The following MCF2L variants were observed in gnomAD, a reference collection of about 807,000 sequenced individuals.
MCF2L encodes the protein guanine nucleotide exchange factor DBS.
A neutral mutation model predicts 153.4 loss-of-function variants in MCF2L; 97 were observed. That is an observed-to-expected ratio of 0.63 (90% CI 0.54 to 0.75). The LOEUF is 0.75. MCF2L is among the 30% of genes least tolerant of loss of function. The probability of loss-of-function intolerance (pLI) is 0.00; values close to 1 mark genes in which losing one functional copy is unlikely to be tolerated. For synonymous variants in MCF2L, 659 were observed against 632.2 expected, an observed-to-expected ratio of 1.04 and a Z score of -0.64; for missense variants, 1,347 against 1,495.2, an observed-to-expected ratio of 0.90 and a Z score of 1.64.
chr13:112,902,152 T>C, intron 1 of MCF2L: 5 of 1,528,804 alleles, frequency 3.3e-6, no homozygotes, highest in Non-Finnish European at 4.5e-6. Flanking sequence ...TTCTTAAGTC[T>C]TTCTGCAGCA....
chr13:112,931,178 C>T (rs1252830376), intron 2 of MCF2L, among the ~76,000 whole-genome samples: 1 of 152,192 alleles, frequency 6.6e-6, no homozygotes, highest in Non-Finnish European at 1.5e-5. Flanking sequence ...CTCCTGCCTG[C>T]ACAGGAGGCA....
chr13:113,060,813 C>G (rs924843323), intron 5 of MCF2L, 101 bp downstream of exon 5: 3 of 1,507,606 alleles, frequency 2.0e-6, no homozygotes, highest in Non-Finnish European at 2.7e-6. Context: ...GACTTCAGGG[C>G]CACACGGTCA....
intron 2 of MCF2L, among the ~76,000 whole-genome samples, chr13:112,948,286 T>C (rs979178976): frequency 6.6e-6 from 1 of 152,224 alleles, no homozygotes; most frequent in Non-Finnish European, 1.5e-5. Flanking sequence ...CCCTAAATAC[T>C]CTTTGTTGTT....
intron 2 of MCF2L, among the ~76,000 whole-genome samples, chr13:112,913,435 T>C (rs1176484028): frequency 6.6e-6 from 1 of 152,200 alleles, no homozygotes; most frequent in African/African-American, 2.4e-5. Context: ...ATGTCTCAGC[T>C]GCAGGCATTT....
Position 113,083,991 on chromosome 13 carries a change from T to C in MCF2L, c.1992-7T>C. 1.9e-6 allele frequency: 3 copies of C among 1,612,052 alleles called. No homozygotes were observed. The highest frequency in any genetic ancestry group is 2.5e-6 in the Non-Finnish European group (3 of 1,178,144). The stretch of plus-strand genomic sequence containing the variant: ...TTTCATACTACTTAAAAACCTTCTT[T>C]GTCTAGGATATTCCTCAGGGAGCTG... On this transcript the variant is annotated splice_region_variant and splice_polypyrimidine_tract_variant and intron_variant, in intron 17 of 29. Transcript: ENST00000535094.
At position 113,075,183 on chromosome 13, in the gene MCF2L, G is replaced by A. The variant is rs1216375618; in HGVS notation, c.1302G>A (p.Leu434=). The A allele has an allele frequency of 1.9e-6, 3 of 1,593,718 alleles. No individual in the cohort carries two copies. The highest frequency in any genetic ancestry group is 1.7e-6 in the Non-Finnish European group (2 of 1,165,842). Residue 434 remains leucine (L), a synonymous_variant, in exon 11 of 30, where the codon CTG becomes CTA. Transcript: ENST00000535094. ...LSKSLELHRR[L]ETSMKWCDEG... ...AGTCCCTGGAGCTGCACCGCCGCCT[G>A]GAGACGGTAGGCCGAGCCGGACCCC...
chr13:112,955,594 C>G (rs1170714982), intron 2 of MCF2L, among the ~76,000 whole-genome samples: 1 of 152,196 alleles, frequency 6.6e-6, no homozygotes, highest in African/African-American at 2.4e-5. Context: ...GAGTAACTCC[C>G]TCAAGGTCAC....
chr13:112,966,974 G>T (rs994794979), upstream of MCF2L, among the ~76,000 whole-genome samples: 3 of 152,184 alleles, frequency 2.0e-5, no homozygotes, highest in African/African-American at 4.8e-5. The surrounding 1 kb of genome is among the most constrained non-coding windows in gnomAD (Gnocchi z 4.1). Flanking sequence ...GCAGCCCAAG[G>T]CTGGGCAGGC....
chr13:113,066,298 T>C, intron 8 of MCF2L, 128 bp downstream of exon 8: 4 of 1,154,546 alleles, frequency 3.5e-6, no homozygotes, highest in Admixed American at 3.1e-5. Context: ...ACCCCACTCC[T>C]GGCCAGGGCC....
rs1028822799 is a variant in MCF2L at position 113,064,091 on chromosome 13, C to A, written c.490-213C>A. Among the ~76,000 whole-genome samples the A allele has an allele frequency of 3.9e-5, 6 of 152,154 alleles. No homozygotes were observed. The highest frequency in any genetic ancestry group is 1.9e-4 in the East Asian group (1 of 5,182). ...CATCATAAGGGCCATAACACACACA[C>A]GCCACCACGAGAGGAGGTGTCGGCG... On this transcript the variant is annotated intron_variant, in intron 5 of 29. Transcript: ENST00000535094. This position sits in a 1 kb window ranked among gnomAD's most constrained non-coding sequence, Gnocchi z 6.0.
At chr13:113,018,214 C>T (rs182243629) in intron 2 of MCF2L, among the ~76,000 whole-genome samples, 14 of 152,320 alleles carry the variant, frequency 9.2e-5, no homozygotes, top group South Asian at 2.1e-4. Context: ...AAAGTCAGGA[C>T]GAGCTGCGGA....
rs548316556 is a variant in MCF2L, at chr13:113,007,392, A to G, written c.80-7371A>G. 2.0e-5 allele frequency among the ~76,000 whole-genome samples: 3 copies of G among 152,344 alleles called. No homozygotes were observed. In the South Asian group the frequency reaches 6.2e-4, roughly 32 times the overall value. On this transcript the variant is annotated intron_variant, in intron 1 of 29. Coordinates refer to ENST00000535094, the MANE Select transcript of MCF2L (RefSeq NM_001112732.3). Reference sequence around the variant, plus strand: ...CAGCGGGGGTCTAACCCCTGACCCCAGCGTCCGTGTCACCTGGGAGCCTCA... The same window carrying G: ...CAGCGGGGGTCTAACCCCTGACCCCGGCGTCCGTGTCACCTGGGAGCCTCA...
At chr13:113,090,907 A>G in intron 26 of MCF2L, 1 of 1,180,770 alleles carries the variant, frequency 8.5e-7, no homozygotes, top group East Asian at 6.0e-5. Context: ...TGAGTGCCGC[A>G]GCCCCCACTC....
chr13:113,091,178 C>A, intron 26 of MCF2L: 1 of 1,301,612 alleles, frequency 7.7e-7, no homozygotes, highest in South Asian at 1.2e-5. Context: ...AGCGACCCGA[C>A]TCCCTTTGGT....
chr13:113,067,042 G>A (rs1381358356), intron 8 of MCF2L, among the ~76,000 whole-genome samples: 3 of 152,278 alleles, frequency 2.0e-5, no homozygotes, highest in African/African-American at 7.2e-5. Context: ...GGCAGAGGCT[G>A]CAGCACAGCC....
intron 1 of MCF2L, among the ~76,000 whole-genome samples, chr13:113,005,312 G>T (rs575734566): frequency 6.6e-6 from 1 of 152,332 alleles, no homozygotes; most frequent in South Asian, 2.1e-4. Context: ...TGTCAGAGAC[G>T]CCGACAAGCA....
chr13:113,008,826 C>G (rs2083881308), intron 1 of MCF2L: 1 of 152,250 alleles, frequency 6.6e-6, no homozygotes, highest in Non-Finnish European at 1.5e-5. Context: ...GGGGTCTAGG[C>G]AGGAGCTTGG....
chr13:113,066,668 T>C (rs980223833), intron 8 of MCF2L, among the ~76,000 whole-genome samples: 2 of 152,112 alleles, frequency 1.3e-5, no homozygotes, highest in Non-Finnish European at 2.9e-5. Context: ...TGCTCTAGGA[T>C]GTCCAGAACT....
At chr13:112,989,945 G>A (rs180717548) in intron 1 of MCF2L, among the ~76,000 whole-genome samples, 290 of 152,304 alleles carry the variant, frequency 1.9e-3, no homozygotes, top group Non-Finnish European at 3.0e-3. Context: ...CTCATAAGGA[G>A]CTCACAGCCT....
Sources: gnomAD v4.1 joint callset for allele counts (sites outside exome capture counted in the v4.1 genomes callset) on GRCh38, gnomAD v4.1.1 for gene constraint, Gnocchi (gnomAD v3.1) non-coding constraint, MANE v1.5 for transcripts, NCBI Gene and HGNC (gene_info 2026-07-23, HGNC 2026-07-21) for gene names.